UST: variants seen among roughly 807,000 people sequenced by gnomAD.
UST encodes chondroitin sulfate 2-O-sulfotransferase.
A neutral mutation model predicts 45.6 loss-of-function variants in UST; 21 were observed. That is an observed-to-expected ratio of 0.46 (90% CI 0.33 to 0.66). The LOEUF (loss-of-function observed/expected upper bound fraction) is 0.66, where lower values mean the gene tolerates loss of function less well. Ranked by LOEUF, UST falls within the 30% of genes least tolerant of loss-of-function variation. The probability of loss-of-function intolerance (pLI) is 0.02; values close to 1 mark genes in which losing one functional copy is unlikely to be tolerated. For missense variants in UST, 463 were observed against 512.4 expected (o/e 0.90, Z 0.93); for synonymous variants, 215 against 200.6 (o/e 1.07, Z -0.61).
intron 1 of UST, among the ~76,000 whole-genome samples, chr6:148,851,473 G>A (rs960136915): frequency 2.0e-5 from 3 of 152,146 alleles, no homozygotes; most frequent in Non-Finnish European, 4.4e-5. Flanking sequence ...TTACTAAAAA[G>A]GGACCATTAG....
chr6:149,029,478 GT>G (rs2115024552), intron 7 of UST, among the ~76,000 whole-genome samples: 1 of 142,476 alleles, frequency 7.0e-6, no homozygotes, highest in East Asian at 2.0e-4. Flanking sequence ...TATATATAAT[GT>G]ATATATAATA....
At chr6:148,855,107 C>T (rs1208343832) in intron 1 of UST, among the ~76,000 whole-genome samples, 1 of 152,108 alleles carries the variant, frequency 6.6e-6, no homozygotes, top group Non-Finnish European at 1.5e-5. Flanking sequence ...TTCACTATCA[C>T]GAGAACAGCA....
chr6:148,788,062 T>C (rs1167233879), intron 1 of UST, among the ~76,000 whole-genome samples: 1 of 152,192 alleles, frequency 6.6e-6, no homozygotes, highest in Non-Finnish European at 1.5e-5. Context: ...TCCACATGGC[T>C]AGGGAGGCCT....
At position 148,964,491 on chromosome 6, in the gene UST, C is replaced by T; in HGVS notation, c.609C>T (p.Arg203=). 3.7e-6 allele frequency: 6 copies of T among 1,614,178 alleles called. No individual in the cohort carries two copies. Among genetic ancestry groups the T allele is most frequent in the Non-Finnish European group, 5.1e-6 (6 of 1,180,020 alleles). The change falls in exon 5 of 8, where the codon CGC becomes CGT. Residue 203 remains arginine, a synonymous_variant. Transcript: ENST00000367463. ...TCTTATCCAACTATTTTTTCCGTCG[C>T]TTTGGAGACTGGAGAGGGGAACAAA... The part of the protein sequence containing the change: ...NRFLSNYFFR[R]FGDWRGEQNH...
chr6:149,013,755 T>C (rs571092585), intron 5 of UST, among the ~76,000 whole-genome samples: 19 of 152,160 alleles, frequency 1.2e-4, no homozygotes, highest in Non-Finnish European at 1.8e-4. Flanking sequence ...ATTCTGCTAT[T>C]GAAAGCAGCC....
intron 1 of UST, among the ~76,000 whole-genome samples, chr6:148,851,848 A>G (rs951394382): frequency 1.3e-5 from 2 of 152,242 alleles, no homozygotes; most frequent in African/African-American, 4.8e-5. Context: ...CCGACAACTT[A>G]GAGGGCAAGT....
rs547309970 is a variant in UST at position 149,019,053 on chromosome 6, A to G, written c.682-86A>G. 391 of 1,010,854 alleles carry G rather than the reference A, an allele frequency of 3.9e-4. 6 individuals carry two copies. In the South Asian group the frequency reaches 4.7e-3, roughly 12 times the overall value. The allele number at this position is 1,010,854 out of a possible 1,614,324, so 62.6% of individuals were successfully genotyped here. On this transcript the variant is annotated intron_variant, in intron 5 of 7. Transcript: ENST00000367463. ...TCTCAAGGCGTGCCTGTGTAATTCAATCATGAATTTTACTTAAACTGTGTG... is the reference window on the plus strand; with the variant it reads ...TCTCAAGGCGTGCCTGTGTAATTCAGTCATGAATTTTACTTAAACTGTGTG...
chr6:148,897,679 T>C (rs953001877), intron 2 of UST, among the ~76,000 whole-genome samples: 3 of 151,382 alleles, frequency 2.0e-5, no homozygotes, highest in Non-Finnish European at 2.9e-5. Flanking sequence ...TTGGTAGAGA[T>C]GGGGTCTCAC....
intron 5 of UST, among the ~76,000 whole-genome samples, chr6:148,984,037 T>C (rs1410741983): frequency 6.6e-6 from 1 of 152,166 alleles, no homozygotes; most frequent in Non-Finnish European, 1.5e-5. Context: ...ACCCGGTGGG[T>C]CTGGCATTTT....
chr6:148,910,948 TG>T (rs1482867245), intron 2 of UST, among the ~76,000 whole-genome samples: 1 of 152,136 alleles, frequency 6.6e-6, no homozygotes, highest in Non-Finnish European at 1.5e-5. Flanking sequence ...AGGGGGCCTT[TG>T]GGGAACAGAC....
chr6:148,933,128 T>C (rs1243528959), intron 2 of UST, among the ~76,000 whole-genome samples: 1 of 152,218 alleles, frequency 6.6e-6, no homozygotes, highest in African/African-American at 2.4e-5. Context: ...TTCTGTAACG[T>C]AGCAAATCAG....
intron 1 of UST, among the ~76,000 whole-genome samples, chr6:148,872,672 G>T (rs998522505): frequency 6.6e-6 from 1 of 152,146 alleles, no homozygotes; most frequent in Non-Finnish European, 1.5e-5. Flanking sequence ...GTTTTAATGG[G>T]CTCAAATTAA....
chr6:148,884,132 CAAA>C (rs35086035), intron 1 of UST, among the ~76,000 whole-genome samples: 4 of 94,834 alleles, frequency 4.2e-5, no homozygotes, highest in African/African-American at 3.4e-5. Context: ...GACACCGTCT[CAAA>C]AAAAAAAAAA....
At chr6:148,938,521 A>G (rs998543081) in intron 2 of UST, among the ~76,000 whole-genome samples, 1 of 152,172 alleles carries the variant, frequency 6.6e-6, no homozygotes, top group Non-Finnish European at 1.5e-5. Flanking sequence ...CAAAGGCAAA[A>G]ATTCAAATGA....
In UST at chr6:148,868,460, T is replaced by C. The variant is rs556751148; in HGVS notation, c.248-18526T>C. Among the ~76,000 whole-genome samples, 25 of 131,882 alleles carry C rather than the reference T, an allele frequency of 1.9e-4. 1 individual carries two copies. In the South Asian group the frequency reaches 6.2e-3, roughly 33 times the overall value. 86.5% of individuals were successfully genotyped at this position (131,882 alleles called of 152,430 possible). On this transcript the variant is annotated intron_variant, in intron 1 of 7. Transcript: ENST00000367463. The stretch of plus-strand genomic sequence containing the variant: ...TCAAATTCAGTGATTCAAAAGTGAG[T>C]GACTCACTTCGTCTTTGAAAAGACC...
Position 149,019,251 on chromosome 6 carries a change from A to T in UST, c.779+15A>T. 8.7e-6 allele frequency: 14 copies of T among 1,605,686 alleles called. No individual in the cohort carries two copies. Among genetic ancestry groups the T allele is most frequent in the Non-Finnish European group, 1.2e-5 (14 of 1,172,346 alleles). On this transcript the variant is annotated intron_variant, in intron 6 of 7. Transcript: ENST00000367463. ...CCCAGATGCAGGTAAGGGCTAAAGC[A>T]GGGTCATGGCATGCACGTACGCACA... is the stretch of plus-strand genomic sequence containing the variant.
chr6:148,799,192 G>T (rs1183297780), intron 1 of UST, among the ~76,000 whole-genome samples: 1 of 152,156 alleles, frequency 6.6e-6, no homozygotes, highest in Non-Finnish European at 1.5e-5. Flanking sequence ...TTAAATAAAG[G>T]CTTTAAAATT....
intron 1 of UST, among the ~76,000 whole-genome samples, chr6:148,781,952 T>G (rs1229857194): frequency 6.6e-6 from 1 of 152,214 alleles, no homozygotes; most frequent in Non-Finnish European, 1.5e-5. Flanking sequence ...ACAATGTACC[T>G]AGTCACTCAA....
intron 2 of UST, among the ~76,000 whole-genome samples, chr6:148,891,258 G>C (rs1351072988): frequency 6.6e-6 from 1 of 152,090 alleles, no homozygotes; most frequent in Non-Finnish European, 1.5e-5. Flanking sequence ...CACTTCACCT[G>C]GGACGTGGGT....
Sources: gnomAD v4.1 joint callset for allele counts (sites outside exome capture counted in the v4.1 genomes callset) on GRCh38, gnomAD v4.1.1 for gene constraint, MANE v1.5 for transcripts, NCBI Gene and HGNC (gene_info 2026-07-23, HGNC 2026-07-21) for gene names.